KCNIP4: variants seen among roughly 807,000 people sequenced by gnomAD.
KCNIP4 encodes the protein Kv channel-interacting protein 4.
In KCNIP4, 12 loss-of-function variants were observed where a neutral mutation model predicts 34.0. The observed-to-expected ratio is 0.35, with a 90% CI of 0.23 to 0.57. KCNIP4 has a LOEUF of 0.57. KCNIP4 is among the 20% of genes least tolerant of loss of function. The pLI, the probability that KCNIP4 is intolerant of heterozygous loss-of-function variation, is 0.83. For synonymous variants in KCNIP4, 124 were observed against 102.2 expected (o/e 1.21, Z -1.29); for missense variants, 238 against 311.7 (o/e 0.76, Z 1.78).
chr4:21,144,331 TA>T (rs1221417908), intron 1 of KCNIP4, among the ~76,000 whole-genome samples: 1 of 152,200 alleles, frequency 6.6e-6, no homozygotes, highest in Non-Finnish European at 1.5e-5. Flanking sequence ...TAAGAGTCAT[TA>T]TTTTACCCTT....
chr4:21,184,871 ATAT>A (rs1316837324), intron 1 of KCNIP4, among the ~76,000 whole-genome samples: 1 of 152,158 alleles, frequency 6.6e-6, no homozygotes, highest in East Asian at 1.9e-4. Flanking sequence ...CATACTAATA[ATAT>A]TTCCAGTGCT....
chr4:21,731,425 G>T (rs769390064), intron 1 of KCNIP4, among the ~76,000 whole-genome samples: 1 of 152,088 alleles, frequency 6.6e-6, no homozygotes, highest in Non-Finnish European at 1.5e-5. Flanking sequence ...GGGGTGAAAA[G>T]ATCTAAAAGT....
At chr4:21,375,818 C>T (rs1282475802) in intron 1 of KCNIP4, among the ~76,000 whole-genome samples, 1 of 152,122 alleles carries the variant, frequency 6.6e-6, no homozygotes, top group Non-Finnish European at 1.5e-5. Flanking sequence ...TGGCCCGCCT[C>T]AGCCTCCCAA....
intron 1 of KCNIP4, among the ~76,000 whole-genome samples, chr4:21,107,115 C>T (rs201593045): frequency 0.24 from 32,511 of 136,224 alleles, 4,302 homozygotes; most frequent in African/African-American, 0.34. Flanking sequence ...CTATTAGGTC[C>T]GCTTGGTGCA....
rs535166218 is a variant in KCNIP4 at position 21,073,936 on chromosome 4, C to T, written c.62-191227G>A. Among the ~76,000 whole-genome samples the T allele has an allele frequency of 4.3e-3, 656 of 152,146 alleles. 9 individuals carry two copies. The highest frequency in any genetic ancestry group is 4.6e-3 in the Non-Finnish European group (315 of 68,016). On this transcript the variant is annotated intron_variant, in intron 1 of 8. Transcript: ENST00000382152. ...TTGGTTCTGTTTATATGCTGGATTA[C>T]GTTTATTGATTTGTGTATGTTGAAC...
intron 1 of KCNIP4, among the ~76,000 whole-genome samples, chr4:21,629,735 G>A (rs1553913471): frequency 6.6e-6 from 1 of 151,742 alleles, no homozygotes; most frequent in Non-Finnish European, 1.5e-5. Context: ...AACATCAAGA[G>A]AACAACATAC....
chr4:21,500,982 T>C (rs1400472769), intron 1 of KCNIP4, among the ~76,000 whole-genome samples: 1 of 150,288 alleles, frequency 6.7e-6, no homozygotes. Context: ...AGTGTCAAAA[T>C]AAAAGGTGCT....
At chr4:21,028,141 C>T (rs1454541693) in intron 1 of KCNIP4, among the ~76,000 whole-genome samples, 1 of 152,144 alleles carries the variant, frequency 6.6e-6, no homozygotes, top group Non-Finnish European at 1.5e-5. Context: ...ACCTTCAGAA[C>T]ATATCCAGAA....
At position 20,905,509 on chromosome 4, in the gene KCNIP4, C is replaced by CTTTTT. The variant is rs10686415; in HGVS notation, c.62-22805_62-22801dup. 6.5e-4 allele frequency among the ~76,000 whole-genome samples: 47 copies of CTTTTT among 72,800 alleles called. No homozygotes were observed. In the South Asian group the frequency reaches 7.4e-3, roughly 11 times the overall value. 47.8% of individuals were successfully genotyped at this position (72,800 alleles called of 152,430 possible). On this transcript the variant is annotated intron_variant, in intron 1 of 8. Coordinates refer to ENST00000382152, the MANE Select transcript of KCNIP4 (RefSeq NM_025221.6). ...ACACAGGTAGTTGAACGTTTTCTTT[C>CTTTTT]TTTTTTTTTTTTTTTTGTTTGAGAT...
chr4:21,619,568 T>G (rs1316592551), intron 1 of KCNIP4, among the ~76,000 whole-genome samples: 2 of 152,226 alleles, frequency 1.3e-5, no homozygotes, highest in Non-Finnish European at 2.9e-5. Context: ...CTTTGGAGAC[T>G]GGAGGAAAAG....
chr4:21,472,854 T>C (rs1730586471), intron 1 of KCNIP4, among the ~76,000 whole-genome samples: 1 of 152,154 alleles, frequency 6.6e-6, no homozygotes, highest in African/African-American at 2.4e-5. Flanking sequence ...CTAAGATTAT[T>C]ATGAAGATGA....
intron 1 of KCNIP4, among the ~76,000 whole-genome samples, chr4:21,389,911 C>A (rs1225836344): frequency 2.0e-5 from 3 of 151,696 alleles, no homozygotes; most frequent in Non-Finnish European, 4.4e-5. Flanking sequence ...AGTTTACAGT[C>A]CCCCCAACAG....
chr4:21,827,894 G>C (rs1330095531), intron 1 of KCNIP4, among the ~76,000 whole-genome samples: 1 of 151,422 alleles, frequency 6.6e-6, no homozygotes, highest in East Asian at 1.9e-4. Flanking sequence ...ACAAAAGAAA[G>C]CTTTCTCTGG....
intron 1 of KCNIP4, among the ~76,000 whole-genome samples, chr4:21,555,948 C>A (rs946911153): frequency 2.0e-5 from 3 of 152,012 alleles, no homozygotes; most frequent in Admixed American, 2.0e-4. Context: ...CACAGCTGTG[C>A]GCTGTGAAAA....
chr4:21,543,318 T>C (rs2109002507), intron 1 of KCNIP4, among the ~76,000 whole-genome samples: 1 of 152,294 alleles, frequency 6.6e-6, no homozygotes, highest in African/African-American at 2.4e-5. Flanking sequence ...TTTTTTCATA[T>C]GTATATCATT....
intron 1 of KCNIP4, among the ~76,000 whole-genome samples, chr4:21,416,974 G>T (rs552575108): frequency 8.5e-5 from 13 of 152,218 alleles, no homozygotes; most frequent in African/African-American, 3.1e-4. Flanking sequence ...GTGAAATTGT[G>T]TTCTCTTAAA....
At chr4:21,322,469 T>C (rs1261646318) in intron 1 of KCNIP4, among the ~76,000 whole-genome samples, 1 of 152,170 alleles carries the variant, frequency 6.6e-6, no homozygotes, top group Non-Finnish European at 1.5e-5. Flanking sequence ...TAACAGTTAC[T>C]GTAATTGAAA....
rs193257124 is a variant in KCNIP4, at chr4:21,194,256, G to A, written c.62-311547C>T. Among the ~76,000 whole-genome samples the A allele has an allele frequency of 3.0e-3, 455 of 152,148 alleles. 4 individuals carry two copies. Among genetic ancestry groups the A allele is most frequent in the Middle Eastern group, 0.01 (3 of 292 alleles). On this transcript the variant is annotated intron_variant, in intron 1 of 8. Coordinates refer to ENST00000382152, the MANE Select transcript of KCNIP4 (RefSeq NM_025221.6). ...TTCTCCTCAATTGATTATCCAAAAT[G>A]TTCAATGAAAAATGTTTGCCTGTGG...
intron 1 of KCNIP4, among the ~76,000 whole-genome samples, chr4:21,761,219 A>G (rs185461345): frequency 6.6e-6 from 1 of 152,116 alleles, no homozygotes; most frequent in South Asian, 2.1e-4. Flanking sequence ...CACCTGCCAC[A>G]GCTTCTCAAG....
Sources: gnomAD v4.1 joint callset for allele counts (sites outside exome capture counted in the v4.1 genomes callset) on GRCh38, gnomAD v4.1.1 for gene constraint, MANE v1.5 for transcripts, NCBI Gene and HGNC (gene_info 2026-07-23, HGNC 2026-07-21) for gene names.